Variants in DIP2B observed in about 807,000 individuals in gnomAD.
DIP2B encodes DIP2 acetate--CoA ligase B (putative), also known as disco-interacting protein 2 homolog B.
A neutral mutation model predicts 198.0 loss-of-function variants in DIP2B; 76 were observed. That is an observed-to-expected ratio of 0.38 (90% CI 0.32 to 0.46). The LOEUF (loss-of-function observed/expected upper bound fraction) is 0.46, where lower values mean the gene tolerates loss of function less well. Ranked by LOEUF, DIP2B falls within the 20% of genes least tolerant of loss-of-function variation. DIP2B has a pLI of 0.99. For missense variants in DIP2B, 1,559 were observed against 1,978.4 expected, an observed-to-expected ratio of 0.79 and a Z score of 4.02; for synonymous variants, 701 against 739.1, an observed-to-expected ratio of 0.95 and a Z score of 0.84.
intron 1 of DIP2B, among the ~76,000 whole-genome samples, chr12:50,508,056 A>G (rs533618520): frequency 6.6e-6 from 1 of 152,306 alleles, no homozygotes; most frequent in South Asian, 2.1e-4. Context: ...CTGTGCTGAA[A>G]TGCAGGTTTG....
chr12:50,708,484 G>A lies in DIP2B; in HGVS notation c.2571G>A (p.Glu857=), dbSNP rs764258425. Residue 857 remains glutamate, a synonymous_variant, in exon 22 of 38, where the codon GAG becomes GAA. Coordinates refer to ENST00000301180, the MANE Select transcript of DIP2B (RefSeq NM_173602.3). ...TTTCTGTGTCTGTATTTTATGATGA[G>A]CGCATTGTGGTGGTTGCGGAACAAA... ...AVFSVSVFYD[E]RIVVVAEQRP... 7.5e-6 allele frequency: 12 copies of A among 1,607,572 alleles called. No homozygotes were observed. Among genetic ancestry groups the A allele is most frequent in the Non-Finnish European group, 1.0e-5 (12 of 1,176,724 alleles).
intron 1 of DIP2B, among the ~76,000 whole-genome samples, chr12:50,616,810 A>C (rs1937708222): frequency 6.6e-6 from 1 of 152,212 alleles, no homozygotes; most frequent in African/African-American, 2.4e-5. Flanking sequence ...TATGAAGAGA[A>C]CATGATAAAA....
At chr12:50,567,837 T>C (rs1201478854) in intron 1 of DIP2B, among the ~76,000 whole-genome samples, 1 of 152,232 alleles carries the variant, frequency 6.6e-6, no homozygotes, top group Non-Finnish European at 1.5e-5. Flanking sequence ...CTAAAATTCT[T>C]TGATAATTCT....
chr12:50,650,220 A>C (rs1187788056), intron 3 of DIP2B, among the ~76,000 whole-genome samples: 1 of 152,192 alleles, frequency 6.6e-6, no homozygotes, highest in Non-Finnish European at 1.5e-5. Context: ...CAAAAAAAAA[A>C]AGTGCCAAAT....
intron 1 of DIP2B, among the ~76,000 whole-genome samples, chr12:50,602,482 C>T (rs1958945573): frequency 6.6e-6 from 1 of 152,140 alleles, no homozygotes; most frequent in African/African-American, 2.4e-5. Context: ...GTCTCCAACT[C>T]CTGAGCTCAA....
intron 1 of DIP2B, among the ~76,000 whole-genome samples, chr12:50,568,964 C>T (rs777480591): frequency 1.3e-5 from 2 of 151,162 alleles, no homozygotes; most frequent in South Asian, 2.1e-4. Flanking sequence ...TTTTTTTGTC[C>T]GTAAGAATTC....
intron 3 of DIP2B, among the ~76,000 whole-genome samples, chr12:50,653,315 G>T (rs2139503056): frequency 8.2e-6 from 1 of 122,066 alleles, no homozygotes; most frequent in African/African-American, 2.9e-5. Flanking sequence ...ATGATTCATA[G>T]TAGTCTTTCT....
chr12:50,566,501 C>T (rs1958564284), intron 1 of DIP2B, among the ~76,000 whole-genome samples: 2 of 152,082 alleles, frequency 1.3e-5, no homozygotes, highest in South Asian at 4.1e-4. Flanking sequence ...TTTATGTTTT[C>T]CAATAAATTT....
chr12:50,591,470 C>T (rs563624840), intron 1 of DIP2B, among the ~76,000 whole-genome samples: 155 of 151,924 alleles, frequency 1.0e-3, no homozygotes, highest in South Asian at 1.7e-3. Flanking sequence ...GAGACATTGT[C>T]TCTGTCTCCC....
At chr12:50,627,288 A>G (rs1937953491) in intron 2 of DIP2B, among the ~76,000 whole-genome samples, 1 of 152,246 alleles carries the variant, frequency 6.6e-6, no homozygotes, top group African/African-American at 2.4e-5. Context: ...TAGTCAGGCT[A>G]CGCAGAAACC....
chr12:50,710,677 G>A (rs552022903), intron 22 of DIP2B, among the ~76,000 whole-genome samples: 3 of 152,188 alleles, frequency 2.0e-5, no homozygotes, highest in African/African-American at 4.8e-5. Flanking sequence ...CACCCACCTC[G>A]GCCTCCCAGA....
At chr12:50,686,197 C>A (rs1939127621) in intron 11 of DIP2B, among the ~76,000 whole-genome samples, 1 of 152,138 alleles carries the variant, frequency 6.6e-6, no homozygotes, top group African/African-American at 2.4e-5. Context: ...GAACCCAAAT[C>A]TGTCTGATTC....
At chr12:50,656,115 T>C (rs916943653) in intron 3 of DIP2B, among the ~76,000 whole-genome samples, 3 of 152,166 alleles carry the variant, frequency 2.0e-5, no homozygotes, top group African/African-American at 7.2e-5. Context: ...TAGAATGATA[T>C]TGAATTGGAA....
At chr12:50,643,405 CTGTGTGTGTGTGTGTGTGTGTGTGTG>C (rs57483938) in intron 3 of DIP2B, among the ~76,000 whole-genome samples, 1 of 131,094 alleles carries the variant, frequency 7.6e-6, no homozygotes, top group Admixed American at 8.0e-5. Flanking sequence ...GGGAGTTTTT[CTGTGTGTGTGTGTGTGTGTGTGTGTG>C]TGTGTGTGTG....
At chr12:50,641,262 C>T (rs1296890799) in intron 3 of DIP2B, among the ~76,000 whole-genome samples, 5 of 152,114 alleles carry the variant, frequency 3.3e-5, no homozygotes, top group Admixed American at 6.5e-5. Context: ...GAGGCTGAGA[C>T]AGGAGAATCA....
chr12:50,681,705 T>C (rs1018327293), intron 9 of DIP2B, among the ~76,000 whole-genome samples: 5 of 152,196 alleles, frequency 3.3e-5, no homozygotes, highest in African/African-American at 1.2e-4. Context: ...CTTATTTTGA[T>C]TGGGCTTATG....
At chr12:50,567,484 T>A (rs1359068022) in intron 1 of DIP2B, among the ~76,000 whole-genome samples, 1 of 152,204 alleles carries the variant, frequency 6.6e-6, no homozygotes, top group Non-Finnish European at 1.5e-5. Flanking sequence ...TTTCAGAGTG[T>A]TTACCTTTAC....
At chr12:50,524,331 A>G (rs1477023084) in intron 1 of DIP2B, among the ~76,000 whole-genome samples, 2 of 152,134 alleles carry the variant, frequency 1.3e-5, no homozygotes, top group Non-Finnish European at 2.9e-5. Context: ...AAATTAGGTC[A>G]TATTACTTCC....
chr12:50,709,055 CTG>C (rs1939565051), intron 22 of DIP2B, among the ~76,000 whole-genome samples: 1 of 152,196 alleles, frequency 6.6e-6, no homozygotes, highest in African/African-American at 2.4e-5. Context: ...AGCAATATGT[CTG>C]TGGTGGGGAG....
Sources: allele counts gnomAD v4.1 joint callset (sites outside exome capture counted in the v4.1 genomes callset), GRCh38; gene constraint gnomAD v4.1.1; transcripts MANE v1.5; gene names NCBI Gene and HGNC (gene_info 2026-07-23, HGNC 2026-07-21).